Variants in COBL observed in about 807,000 individuals in gnomAD.
COBL encodes cordon-bleu WH2 repeat protein.
A neutral mutation model predicts 98.8 loss-of-function variants in COBL; 51 were observed. The ratio of observed to expected loss-of-function variants is 0.52; its 90% CI spans 0.41 to 0.65. COBL has a LOEUF of 0.65. Among genes scored for constraint, COBL ranks in the 30% least tolerant of loss-of-function variants. COBL has a pLI of 0.00. For missense variants in COBL, 1,617 were observed against 1,617.5 expected (o/e 1.00, Z 0.01); for synonymous variants, 634 against 651.7 (o/e 0.97, Z 0.41).
intron 5 of COBL, among the ~76,000 whole-genome samples, chr7:51,175,365 T>C (rs1257700726): frequency 1.3e-5 from 2 of 152,180 alleles, no homozygotes; most frequent in African/African-American, 4.8e-5. Context: ...TATTAAGAGA[T>C]TTGAGAATTT....
intron 2 of COBL, among the ~76,000 whole-genome samples, chr7:51,193,804 A>AAAATCAT (rs1790346516): frequency 6.6e-6 from 1 of 152,238 alleles, no homozygotes; most frequent in Non-Finnish European, 1.5e-5. Context: ...TTGAAAGAGA[A>AAAATCAT]AAATCATAAT....
intron 1 of COBL, among the ~76,000 whole-genome samples, chr7:51,247,109 C>T (rs746837949): frequency 1.3e-5 from 2 of 152,222 alleles, no homozygotes; most frequent in Non-Finnish European, 2.9e-5. Context: ...CTTCCATGCC[C>T]AAGGCAGAAG....
chr7:51,258,544 C>CCTA (rs1416212634), intron 1 of COBL, among the ~76,000 whole-genome samples: 1 of 152,174 alleles, frequency 6.6e-6, no homozygotes, highest in Non-Finnish European at 1.5e-5. Context: ...ATGAACATAA[C>CCTA]CTACTGTCTT....
chr7:51,085,124 C>A (rs1467094498), intron 7 of COBL, 42 bp downstream of exon 7: 2 of 1,612,174 alleles, frequency 1.2e-6, no homozygotes, highest in Admixed American at 3.3e-5. Flanking sequence ...CAGGACAGAG[C>A]AAGCATCCCC....
intron 1 of COBL, among the ~76,000 whole-genome samples, chr7:51,287,458 A>G (rs1800477005): frequency 6.6e-6 from 1 of 152,236 alleles, no homozygotes; most frequent in South Asian, 2.1e-4. Flanking sequence ...AATAGCTAAA[A>G]TGAAACAATC....
At chr7:51,161,768 A>T (rs1039165767) in intron 5 of COBL, among the ~76,000 whole-genome samples, 2 of 152,208 alleles carry the variant, frequency 1.3e-5, no homozygotes, top group Non-Finnish European at 2.9e-5. Context: ...TGGATTTTTT[A>T]AAAAACCAAG....
chr7:51,284,977 T>A (rs1257882956), intron 1 of COBL, among the ~76,000 whole-genome samples: 1 of 151,460 alleles, frequency 6.6e-6, no homozygotes, highest in Non-Finnish European at 1.5e-5. Flanking sequence ...AGACAGAGTC[T>A]TGGTCTGTCA....
At chr7:51,229,101 C>G (rs1027303416) in intron 1 of COBL, among the ~76,000 whole-genome samples, 1 of 152,154 alleles carries the variant, frequency 6.6e-6, no homozygotes, top group Middle Eastern at 3.2e-3. Flanking sequence ...GGCTTTCTAC[C>G]GCACAGCCAA....
In COBL at chr7:51,016,652, CTT is replaced by C. The variant is rs1588216821; in HGVS notation, c.*897_*898del. On this transcript the variant is annotated 3_prime_UTR_variant, in exon 13 of 13. Transcript: ENST00000265136. ...TCTCAGCGCAACTTTGATCTGAACTCTTGACAGGTGGGCATCCAACATCCCTG... is the reference window on the plus strand; with the variant it reads ...TCTCAGCGCAACTTTGATCTGAACTCGACAGGTGGGCATCCAACATCCCTG... The C allele has an allele frequency of 3.3e-6, 1 of 305,612 alleles. No individual in the cohort carries two copies. The highest frequency in any genetic ancestry group is 6.0e-6 in the Non-Finnish European group (1 of 167,366). The allele number at this position is 305,612 out of a possible 1,614,324, so 18.9% of individuals were successfully genotyped here.
In COBL at chr7:51,080,725, A is replaced by G. The variant is rs570261520; in HGVS notation, c.1096+4441T>C. Among the ~76,000 whole-genome samples, 348 of 152,256 alleles carry G rather than the reference A, an allele frequency of 2.3e-3. 1 individual carries two copies. Among genetic ancestry groups the G allele is most frequent in the South Asian group, 3.5e-3 (17 of 4,828 alleles). Reference sequence around the variant, plus strand: ...AGGCAAGTGCTTGTAGCTGGCATTAAAATGTCTCCACTGAGCTTCCACACA... The same window carrying G: ...AGGCAAGTGCTTGTAGCTGGCATTAGAATGTCTCCACTGAGCTTCCACACA... On this transcript the variant is annotated intron_variant, in intron 7 of 12. Coordinates refer to ENST00000265136, the MANE Select transcript of COBL (RefSeq NM_015198.5).
At chr7:51,305,322 C>T (rs1249104485) in intron 1 of COBL, among the ~76,000 whole-genome samples, 1 of 152,196 alleles carries the variant, frequency 6.6e-6, no homozygotes, top group African/African-American at 2.4e-5. Flanking sequence ...TGCAGCCAGT[C>T]TTATCCCTGA....
chr7:51,127,768 G>C (rs1247381271), intron 6 of COBL, among the ~76,000 whole-genome samples: 1 of 152,180 alleles, frequency 6.6e-6, no homozygotes, highest in African/African-American at 2.4e-5. Context: ...GTCCCAGAGA[G>C]CAAAGGGGTG....
chr7:51,251,983 A>G (rs533414299), intron 1 of COBL, among the ~76,000 whole-genome samples: 13 of 152,206 alleles, frequency 8.5e-5, no homozygotes, highest in Admixed American at 1.3e-4. Context: ...TCTCTACATA[A>G]GCTCAATACC....
chr7:51,247,158 C>G (rs1796333830), intron 1 of COBL, among the ~76,000 whole-genome samples: 1 of 152,252 alleles, frequency 6.6e-6, no homozygotes. Context: ...CACGTTAAGT[C>G]ACAGGCTTGC....
At chr7:51,121,978 A>G (rs1797776192) in intron 6 of COBL, among the ~76,000 whole-genome samples, 1 of 152,218 alleles carries the variant, frequency 6.6e-6, no homozygotes, top group Admixed American at 6.5e-5. Context: ...TAAATGATGG[A>G]TATTTGAACA....
In COBL at chr7:51,028,598, C is replaced by T. The variant is rs754403191; in HGVS notation, c.2498G>A (p.Arg833Lys). 1.9e-6 allele frequency: 3 copies of T among 1,614,106 alleles called. No individual in the cohort carries two copies. Among genetic ancestry groups the T allele is most frequent in the South Asian group, 1.1e-5 (1 of 91,064 alleles). The stretch of plus-strand genomic sequence containing the variant: ...CATGCCCATGGTGGGGGGCTGGTTT[C>T]TCCCCTCCCCTAGGGGGTTCCGGCC... ...HEGRNPLGEG[R>K]NQPPTMGMGH... The change falls in exon 10 of 13, where the codon AGA becomes AAA. Residue 833 changes from arginine (R) to lysine (K), a missense_variant. Arg to Lys is a conservative substitution (Grantham distance 26). Coordinates refer to ENST00000265136, the MANE Select transcript of COBL (RefSeq NM_015198.5).
Position 51,274,063 on chromosome 7 carries a change from C to T in COBL, c.41+42530G>A, listed in dbSNP as rs76078871. ...CAGGACATCGTAGCCTCGAATACCA[C>T]CATGCTCACAGTTCCCCCCAGTCCA... is the stretch of plus-strand genomic sequence containing the variant. On this transcript the variant is annotated intron_variant, in intron 1 of 12. Transcript: ENST00000265136. Among the ~76,000 whole-genome samples the T allele has an allele frequency of 7.7e-3, 1,166 of 152,260 alleles. 59 individuals are homozygous for T. The South Asian group carries it at 0.13, about 17-fold the overall frequency.
At chr7:51,093,051 C>A (rs1442554049) in intron 6 of COBL, among the ~76,000 whole-genome samples, 1 of 152,118 alleles carries the variant, frequency 6.6e-6, no homozygotes, top group East Asian at 1.9e-4. Flanking sequence ...CTAAATAGCT[C>A]CTGCACAGCA....
At chr7:51,156,762 C>T (rs1786190177) in intron 5 of COBL, 1 of 178,950 alleles carries the variant, frequency 5.6e-6, no homozygotes. Flanking sequence ...AGTTAAGGTG[C>T]ACTTTCAAAT....
Sources: allele counts gnomAD v4.1 joint callset (sites outside exome capture counted in the v4.1 genomes callset), GRCh38; gene constraint gnomAD v4.1.1; transcripts MANE v1.5; gene names NCBI Gene and HGNC (gene_info 2026-07-23, HGNC 2026-07-21).